Variants in DCC observed in about 807,000 individuals in gnomAD.
The protein encoded by DCC is netrin receptor DCC.
A neutral mutation model predicts 172.5 loss-of-function variants in DCC; 58 were observed. The ratio of observed to expected loss-of-function variants is 0.34; its 90% CI spans 0.27 to 0.42. The LOEUF (loss-of-function observed/expected upper bound fraction) is 0.42, where lower values mean the gene tolerates loss of function less well. DCC is among the 10% of genes least tolerant of loss of function. DCC has a pLI of 1.00. For missense variants in DCC, 1,740 were observed against 1,791.0 expected (o/e 0.97, Z 0.51); for synonymous variants, 709 against 644.5 (o/e 1.10, Z -1.52).
intron 23 of DCC, among the ~76,000 whole-genome samples, chr18:53,457,809 G>C (rs1028306651): frequency 6.6e-6 from 1 of 152,126 alleles, no homozygotes; most frequent in African/African-American, 2.4e-5. Flanking sequence ...CAAAGTGCAG[G>C]TAGTGTTATT....
At chr18:52,774,495 G>A (rs1380203596) in intron 2 of DCC, among the ~76,000 whole-genome samples, 3 of 152,214 alleles carry the variant, frequency 2.0e-5, no homozygotes, top group Non-Finnish European at 4.4e-5. Context: ...TCAACAAGTA[G>A]CCATTACTCC....
At chr18:53,205,169 C>A (rs778065844) in intron 9 of DCC, 47 bp from the exon 10 acceptor site, 2 of 1,518,958 alleles carry the variant, frequency 1.3e-6, no homozygotes, top group Non-Finnish European at 1.8e-6. Flanking sequence ...CAAAAACCCA[C>A]TTATCCTAAT....
At chr18:52,629,990 G>A (rs1269161016) in intron 1 of DCC, among the ~76,000 whole-genome samples, 1 of 148,716 alleles carries the variant, frequency 6.7e-6, no homozygotes, top group Admixed American at 6.7e-5. Flanking sequence ...GCCAGACATG[G>A]TGGCAGGCAC....
At chr18:52,810,058 A>G (rs1201247321) in intron 2 of DCC, among the ~76,000 whole-genome samples, 1 of 152,036 alleles carries the variant, frequency 6.6e-6, no homozygotes, top group Non-Finnish European at 1.5e-5. Context: ...ATTTCATAAG[A>G]GAAAAATCCT....
intron 26 of DCC, among the ~76,000 whole-genome samples, chr18:53,491,460 C>T (rs1462554728): frequency 1.3e-5 from 2 of 152,010 alleles, no homozygotes; most frequent in Non-Finnish European, 2.9e-5. Flanking sequence ...TTGCTGCACC[C>T]ACCAACCCAT....
chr18:52,662,686 GAGAAAGAAAAGAA>G (rs1026847578), intron 1 of DCC, among the ~76,000 whole-genome samples: 4 of 152,062 alleles, frequency 2.6e-5, no homozygotes, highest in Non-Finnish European at 2.9e-5. Context: ...GGGAAGTAAG[GAGAAAGAAAAGAA>G]AGAAAGAAAA....
At position 53,351,369 on chromosome 18, in the gene DCC, G is replaced by GTATA. The variant is rs367935409; in HGVS notation, c.2359+11471_2359+11474dup. On this transcript the variant is annotated intron_variant, in intron 15 of 28. Transcript: ENST00000442544. Reference sequence around the variant, plus strand: ...TATATACACAGTATATATATATACTGTATATATATATACAGTATATATATA... The same window carrying GTATA: ...TATATACACAGTATATATATATACTGTATATATATATATATACAGTATATATATA... Among the ~76,000 whole-genome samples, 264 of 32,316 alleles carry GTATA rather than the reference G, an allele frequency of 8.2e-3. 18 individuals carry two copies. The highest frequency in any genetic ancestry group is 0.031 in the African/African-American group (251 of 8,110). 21.2% of individuals were successfully genotyped at this position (32,316 alleles called of 152,430 possible).
intron 5 of DCC, among the ~76,000 whole-genome samples, chr18:53,059,036 G>A (rs2042455861): frequency 6.6e-6 from 1 of 152,114 alleles, no homozygotes; most frequent in East Asian, 1.9e-4. Context: ...GAAACTTACA[G>A]TCTTGGTGGA....
intron 7 of DCC, among the ~76,000 whole-genome samples, chr18:53,134,915 C>T (rs2144330629): frequency 6.6e-6 from 1 of 152,258 alleles, no homozygotes; most frequent in South Asian, 2.1e-4. Context: ...GCAGCTGATT[C>T]CGACTCATTC....
Position 52,416,435 on chromosome 18 carries a change from T to C in DCC, c.91+75557T>C, listed in dbSNP as rs1987032150. On this transcript the variant is annotated intron_variant, in intron 1 of 28. Coordinates refer to ENST00000442544, the MANE Select transcript of DCC (RefSeq NM_005215.4). ...TCAATTCCTGGGTGTTCTTGTTAACTTTCTGTCTCGTTGATCTGTCTAATG... is the reference window on the plus strand; with the variant it reads ...TCAATTCCTGGGTGTTCTTGTTAACCTTCTGTCTCGTTGATCTGTCTAATG... Among the ~76,000 whole-genome samples the C allele has an allele frequency of 2.0e-5, 3 of 152,244 alleles. No homozygotes were observed. The South Asian group carries it at 6.2e-4, about 32-fold the overall frequency.
chr18:52,647,940 T>G (rs2035049908), intron 1 of DCC, among the ~76,000 whole-genome samples: 1 of 152,136 alleles, frequency 6.6e-6, no homozygotes, highest in Non-Finnish European at 1.5e-5. Flanking sequence ...GAATAAATGT[T>G]AGAAATCTGA....
intron 1 of DCC, among the ~76,000 whole-genome samples, chr18:52,527,368 C>T (rs1265389698): frequency 4.6e-5 from 7 of 152,112 alleles, no homozygotes; most frequent in African/African-American, 1.7e-4. Context: ...GGTTCTTTTG[C>T]TATAATAAAT....
chr18:52,959,284 G>A (rs1225653702), intron 5 of DCC, among the ~76,000 whole-genome samples: 1 of 152,092 alleles, frequency 6.6e-6, no homozygotes, highest in Non-Finnish European at 1.5e-5. Context: ...GTAGAAACTG[G>A]TTTGCTTTTC....
intron 1 of DCC, among the ~76,000 whole-genome samples, chr18:52,625,411 T>A (rs1001572935): frequency 5.3e-5 from 8 of 152,198 alleles, no homozygotes; most frequent in Admixed American, 3.3e-4. Flanking sequence ...GTCCTTGTAT[T>A]CTTTGTTTTC....
At chr18:53,240,472 C>T (rs563327422) in intron 12 of DCC, among the ~76,000 whole-genome samples, 1 of 152,202 alleles carries the variant, frequency 6.6e-6, no homozygotes, top group African/African-American at 2.4e-5. Context: ...CTGGAAGGAT[C>T]AGAAGGAGCT....
chr18:52,602,177 C>T (rs2034030534), intron 1 of DCC, among the ~76,000 whole-genome samples: 2 of 152,114 alleles, frequency 1.3e-5, no homozygotes, highest in East Asian at 3.9e-4. Context: ...AATGTGTTTA[C>T]TTGAATATAT....
chr18:52,662,424 A>C (rs1480784469), intron 1 of DCC, among the ~76,000 whole-genome samples: 1 of 151,538 alleles, frequency 6.6e-6, no homozygotes, highest in East Asian at 1.9e-4. Flanking sequence ...TAAATGCGAA[A>C]AGATTCATCC....
chr18:52,625,162 A>G (rs572086131), intron 1 of DCC, among the ~76,000 whole-genome samples: 2 of 152,298 alleles, frequency 1.3e-5, no homozygotes, highest in African/African-American at 4.8e-5. Context: ...CATGATAATA[A>G]TCTTATGCAG....
At chr18:53,123,904 C>G (rs537495984) in intron 7 of DCC, among the ~76,000 whole-genome samples, 2 of 151,946 alleles carry the variant, frequency 1.3e-5, no homozygotes, top group Non-Finnish European at 2.9e-5. Flanking sequence ...TTTCTCATTG[C>G]TTTCTTTACT....
Sources: gnomAD v4.1 joint callset for allele counts (sites outside exome capture counted in the v4.1 genomes callset) on GRCh38, gnomAD v4.1.1 for gene constraint, MANE v1.5 for transcripts, NCBI Gene and HGNC (gene_info 2026-07-23, HGNC 2026-07-21) for gene names.